DHX37: variants seen among roughly 807,000 people sequenced by gnomAD.
DHX37 encodes the protein probable ATP-dependent RNA helicase DHX37.
DHX37 carries 52 observed loss-of-function variants against 134.3 expected under a neutral mutation model. The ratio of observed to expected loss-of-function variants is 0.39; its 90% confidence interval spans 0.31 to 0.49. The LOEUF is 0.49. Among genes scored for constraint, DHX37 ranks in the 20% least tolerant of loss-of-function variants. The pLI is 0.93. For missense variants in DHX37, 1,344 were observed against 1,580.8 expected (o/e 0.85, Z 2.54); for synonymous variants, 634 against 670.7 (o/e 0.95, Z 0.85).
chr12:124,950,092 G>A lies in DHX37; in HGVS notation c.3217-33C>T, dbSNP rs377550310. 87 of 1,613,652 alleles carry A rather than the reference G, an allele frequency of 5.4e-5. No individual in the cohort carries two copies. In the Middle Eastern group the frequency reaches 6.6e-4, roughly 12 times the overall value. ...GAGACCACAGGAAGGGGTGAGGCCC[G>A]GGCTGCTGCTGCCCACGGTACCCGA... On this transcript the variant is annotated intron_variant, in intron 24 of 26. Coordinates refer to ENST00000308736, the MANE Select transcript of DHX37 (RefSeq NM_032656.4).
chr12:124,958,191 C>A (rs189726303), intron 16 of DHX37, among the ~76,000 whole-genome samples: 1 of 152,234 alleles, frequency 6.6e-6, no homozygotes, highest in Non-Finnish European at 1.5e-5. Context: ...AAACTACTGA[C>A]CCACACACTT....
At chr12:124,964,894 T>C in intron 14 of DHX37, 36 bp downstream of exon 14, 1 of 1,562,680 alleles carries the variant, frequency 6.4e-7, no homozygotes, top group Non-Finnish European at 8.7e-7. Context: ...CCCTTAAAAG[T>C]GCCCCAAAAG....
At chr12:124,964,347 T>C (rs2135944786) in intron 15 of DHX37, 47 bp downstream of exon 15, 1 of 1,605,250 alleles carries the variant, frequency 6.2e-7, no homozygotes, top group Non-Finnish European at 8.5e-7. Context: ...TCAGTGGCTA[T>C]TGCAAGGCGG....
At chr12:124,964,732 G>A in intron 14 of DHX37, 106 bp from the exon 15 acceptor site, 2 of 1,523,072 alleles carry the variant, frequency 1.3e-6, no homozygotes, top group South Asian at 1.2e-5. Flanking sequence ...TGGAGACGTA[G>A]CAAGGACAAG....
In DHX37 at chr12:124,950,505, G is replaced by C; in HGVS notation, c.3029C>G (p.Ser1010Cys). The C allele has an allele frequency of 1.3e-6, 2 of 1,568,064 alleles. No homozygotes were observed. Among genetic ancestry groups the C allele is most frequent in the Non-Finnish European group, 1.7e-6 (2 of 1,157,586 alleles). ...EVQWIPALLP[S>C]YCQFDKPLEE... The stretch of plus-strand genomic sequence containing the variant: ...CAGGGGCTTGTCAAACTGGCAGTAA[G>C]AGGGCAGCAGGGCCGGGATCCACTG... The change falls in exon 23 of 27, where the codon TCT becomes TGT. Residue 1010 changes from serine (S) to cysteine (C), a missense_variant. This residue lies in a region of DHX37 where 558 missense variants were observed against 650.0 expected (regional missense o/e 0.86). Coordinates refer to ENST00000308736, the MANE Select transcript of DHX37 (RefSeq NM_032656.4).
intron 25 of DHX37, chr12:124,948,422 C>T: frequency 1.5e-6 from 1 of 665,408 alleles, no homozygotes; most frequent in Non-Finnish European, 2.5e-6. Context: ...TGCACTCCAG[C>T]CTGGGCAACA....
In DHX37 at chr12:124,986,142, T is replaced by A; in HGVS notation, c.230A>T (p.Lys77Met). ...KEKKPLTKKEKKVLQKILEQK... is the reference protein window; with the variant it reads ...KEKKPLTKKEMKVLQKILEQK... ...TTCTAAGATTTTCTGCAGCACTTTC[T>A]TCTCCTTCTTGGTCAGAGGCTTCTT... The change falls in exon 2 of 27, where the codon AAG (lysine) becomes ATG (methionine). Residue 77 changes from lysine to methionine, a missense_variant. By Grantham distance (95) the Lys-to-Met change is moderately conservative. Around this residue, in one of 7 missense-constraint regions of DHX37, gnomAD observed 319 missense variants for 296.1 expected, o/e 1.08. Transcript: ENST00000308736. The A allele has an allele frequency of 6.2e-7, 1 of 1,614,234 alleles. No individual in the cohort carries two copies. Among genetic ancestry groups the A allele is most frequent in the Non-Finnish European group, 8.5e-7 (1 of 1,180,038 alleles).
At chr12:124,986,498 G>A (rs1954876033) in intron 1 of DHX37, among the ~76,000 whole-genome samples, 1 of 151,958 alleles carries the variant, frequency 6.6e-6, no homozygotes, top group South Asian at 2.1e-4. Context: ...CTCACTTGAG[G>A]TCAGGAGTTC....
rs1296666689 is a variant in DHX37, at chr12:124,980,687, C to T, written c.541G>A (p.Glu181Lys). ...SELEEESELD[E>K]DPAAEPAEAG... ...TCAGCCGGCTCAGCAGCTGGGTCCT[C>T]GTCCAGCTCCGACTCCTCCTCCAGC... The change falls in exon 4 of 27, where the codon GAG (glutamate) becomes AAG (lysine). Residue 181 changes from glutamate to lysine, a missense_variant. Glu to Lys is a moderately conservative substitution (Grantham distance 56). Around this residue, in one of 7 missense-constraint regions of DHX37, gnomAD observed 319 missense variants for 296.1 expected, o/e 1.08. Transcript: ENST00000308736. This position sits in a 1 kb window ranked among gnomAD's most constrained non-coding sequence, Gnocchi z 5.3. 3 of 1,580,208 alleles carry T rather than the reference C, an allele frequency of 1.9e-6. No homozygotes were observed. The South Asian group carries it at 3.4e-5, about 18-fold the overall frequency.
In DHX37 at chr12:124,980,786, C is replaced by A; in HGVS notation, c.442G>T (p.Gly148Cys). ...PGQEKISSLS[G>C]AHRKRRRWPS... is the part of the protein sequence containing the mutation. ...CAGCGGCGACGCTTCCGGTGGGCAC[C>A]GCTGAGGCTACTGATCTTCTCCTGG... is the stretch of plus-strand genomic sequence containing the variant. The change falls in exon 4 of 27, where the codon GGT becomes TGT. Residue 148 changes from glycine (G) to cysteine (C), a missense_variant. Physicochemically the swap from Gly to Cys is radical, Grantham distance 159. Around this residue, in one of 7 missense-constraint regions of DHX37, gnomAD observed 319 missense variants for 296.1 expected, o/e 1.08. Transcript: ENST00000308736. The surrounding 1 kb of genome is among the most constrained non-coding windows in gnomAD (Gnocchi z 5.3). The A allele has an allele frequency of 6.4e-7, 1 of 1,557,242 alleles. No homozygotes were observed. Among genetic ancestry groups the A allele is most frequent in the Non-Finnish European group, 8.7e-7 (1 of 1,153,392 alleles).
chr12:124,985,627 A>G (rs1217010500), intron 2 of DHX37, among the ~76,000 whole-genome samples: 8 of 151,104 alleles, frequency 5.3e-5, no homozygotes, highest in Non-Finnish European at 1.2e-4. Context: ...CGCGCCTGTA[A>G]TCCCAGCTAC....
rs893544172 is a variant in DHX37, at chr12:124,982,142, A to G, written c.389+369T>C. On this transcript the variant is annotated intron_variant, in intron 3 of 26. Transcript: ENST00000308736. ...TGTCTCAAAAAAAAAAAACAAAAAA[A>G]AACACGACACAAACCAAACCAAACC... Among the ~76,000 whole-genome samples the G allele has an allele frequency of 2.1e-4, 32 of 151,962 alleles. 1 individual carries two copies. Among genetic ancestry groups the G allele is most frequent in the African/African-American group, 7.5e-4 (31 of 41,442 alleles).
Position 124,948,242 on chromosome 12 carries a change from G to A in DHX37, c.3291-61C>T. 1.9e-6 allele frequency: 3 copies of A among 1,566,650 alleles called. No individual in the cohort carries two copies. The South Asian group carries it at 3.5e-5, about 18-fold the overall frequency. ...CAGGGCACAGACCGGCTGCTGCTGG[G>A]GGCCCGAAAGCAGGGCAGGCATCAC... On this transcript the variant is annotated intron_variant, in intron 25 of 26. Transcript: ENST00000308736.
chr12:124,957,233 C>T, intron 16 of DHX37, 98 bp from the exon 17 acceptor site: 1 of 1,170,424 alleles, frequency 8.5e-7, no homozygotes, highest in Non-Finnish European at 1.1e-6. Context: ...CAACCCCTCT[C>T]TCCGGGCTCA....
intron 20 of DHX37, 83 bp from the exon 21 acceptor site, chr12:124,952,653 T>A: frequency 7.1e-7 from 1 of 1,409,290 alleles, no homozygotes; most frequent in Non-Finnish European, 9.4e-7. Context: ...GTCCCAACCA[T>A]GCTCAGTGCT....
chr12:124,952,386 TG>T lies in DHX37; in HGVS notation c.2868+11del. On this transcript the variant is annotated intron_variant, in intron 21 of 26. Coordinates refer to ENST00000308736, the MANE Select transcript of DHX37 (RefSeq NM_032656.4). ...CCAAGCTACCCGGGCAGGGAGGCGG[TG>T]GGGGCCGCACCTTGTAGGCGTTCCT... 1 of 1,598,770 alleles carries T rather than the reference TG, an allele frequency of 6.3e-7. No individual in the cohort carries two copies.
chr12:124,989,002 G>T lies in DHX37; in HGVS notation c.21C>A (p.Arg7=). The part of the protein sequence containing the change: MGKLRR[R]YNIKGRQQAG... The stretch of plus-strand genomic sequence containing the variant: ...CCTGCTGGCGCCCCTTGATGTTGTA[G>T]CGCCGGCGCAGCTTCCCCATGGCGA... The change falls in exon 1 of 27, where the codon CGC becomes CGA. Residue 7 remains arginine, a synonymous_variant. Transcript: ENST00000308736. 7 of 1,369,992 alleles carry T rather than the reference G, an allele frequency of 5.1e-6. No homozygotes were observed. The highest frequency in any genetic ancestry group is 6.6e-6 in the Non-Finnish European group (7 of 1,054,138). 84.9% of individuals were successfully genotyped at this position (1,369,992 alleles called of 1,614,324 possible). A position where few individuals can be genotyped will look rare whatever the true frequency, so the allele number is the denominator to read the frequency against.
chr12:124,967,967 G>A (rs1273139044), intron 10 of DHX37, among the ~76,000 whole-genome samples: 3 of 152,064 alleles, frequency 2.0e-5, no homozygotes, highest in Non-Finnish European at 4.4e-5. Flanking sequence ...TGTAATCCCA[G>A]CTACTTGGGA....
Position 124,980,895 on chromosome 12 carries a change from G to A in DHX37, c.390-57C>T. On this transcript the variant is annotated intron_variant, in intron 3 of 26. Transcript: ENST00000308736. The surrounding 1 kb of genome is among the most constrained non-coding windows in gnomAD (Gnocchi z 5.3). ...GGCCCCACCTCAATCCCAGAGGTCA[G>A]GACTCCAAGGCCATACCCCTTTCTG... 1 of 1,523,382 alleles carries A rather than the reference G, an allele frequency of 6.6e-7. No homozygotes were observed. Among genetic ancestry groups the A allele is most frequent in the South Asian group, 1.2e-5 (1 of 83,220 alleles). The allele number at this position is 1,523,382 out of a possible 1,614,324, so 94.4% of individuals were successfully genotyped here. A position where few individuals can be genotyped will look rare whatever the true frequency, so the allele number is the denominator to read the frequency against.
Sources: gnomAD v4.1 joint callset for allele counts (sites outside exome capture counted in the v4.1 genomes callset) on GRCh38, gnomAD v4.1.1 for gene constraint, gnomAD v4.1.1 regional missense constraint, Gnocchi (gnomAD v3.1) non-coding constraint, MANE v1.5 for transcripts, NCBI Gene and HGNC (gene_info 2026-07-23, HGNC 2026-07-21) for gene names.